Variants in STK39 observed in about 807,000 individuals in gnomAD.
The protein encoded by STK39 is STE20/SPS1-related proline-alanine-rich protein kinase.
STK39 carries 20 observed loss-of-function variants against 77.8 expected under a neutral mutation model. The observed-to-expected ratio is 0.26, with a 90% CI of 0.18 to 0.37. The LOEUF (loss-of-function observed/expected upper bound fraction) is 0.37. Ranked by LOEUF, STK39 falls within the 10% of genes least tolerant of loss-of-function variation. STK39 has a pLI of 1.00. For synonymous variants in STK39, 246 were observed against 234.1 expected, an observed-to-expected ratio of 1.05 and a Z score of -0.47; for missense variants, 479 against 656.5, an observed-to-expected ratio of 0.73 and a Z score of 2.95.
At chr2:168,018,524 GA>G (rs1218697669) in intron 14 of STK39, among the ~76,000 whole-genome samples, 1 of 89,992 alleles carries the variant, frequency 1.1e-5, no homozygotes, top group African/African-American at 6.5e-5. Flanking sequence ...AGAAAGAAAA[GA>G]AAGAAAAGAA....
chr2:168,152,493 G>A (rs766456523), intron 5 of STK39, among the ~76,000 whole-genome samples: 4 of 152,310 alleles, frequency 2.6e-5, no homozygotes, highest in East Asian at 1.9e-4. Flanking sequence ...GAGCCCCGGC[G>A]CTCCTCAACC....
rs766988582 is a variant in STK39 at position 168,018,538 on chromosome 2, A to AAAGAAAGAAAG, written c.1377-1444_1377-1443insCTTTCTTTCTT. Among the ~76,000 whole-genome samples, 60 of 85,456 alleles carry AAAGAAAGAAAG rather than the reference A, an allele frequency of 7.0e-4. 1 individual carries two copies. Among genetic ancestry groups the AAAGAAAGAAAG allele is most frequent in the African/African-American group, 9.6e-4 (17 of 17,740 alleles). The allele number at this position is 85,456 out of a possible 152,430, so 56.1% of individuals were successfully genotyped here. ...AAGAAAGAAAAGAAAGAAAAGAAAG[A>AAAGAAAGAAAG]AAAGAAAGAAAGAAAGAAAGAAAGA... is the stretch of plus-strand genomic sequence containing the variant. On this transcript the variant is annotated intron_variant, in intron 14 of 17. Transcript: ENST00000355999.
At chr2:168,241,079 G>A (rs1044411815) in intron 1 of STK39, among the ~76,000 whole-genome samples, 2 of 150,316 alleles carry the variant, frequency 1.3e-5, no homozygotes, top group African/African-American at 5.0e-5. Context: ...GCAGTGAAAG[G>A]AAGAAACGAG....
intron 17 of STK39, among the ~76,000 whole-genome samples, chr2:167,956,696 A>ACACACACACACC (rs776309488): frequency 4.1e-5 from 2 of 48,992 alleles, no homozygotes; most frequent in Non-Finnish European, 8.9e-5. Flanking sequence ...ACACACACAC[A>ACACACACACACC]CTCTCTCTCT....
chr2:167,968,674 G>C (rs1483909990), intron 16 of STK39, among the ~76,000 whole-genome samples: 1 of 152,170 alleles, frequency 6.6e-6, no homozygotes, highest in East Asian at 1.9e-4. Context: ...TTTATCCAAA[G>C]AGACACCCTG....
chr2:168,243,345 T>A (rs1450570407), intron 1 of STK39, among the ~76,000 whole-genome samples: 1 of 152,132 alleles, frequency 6.6e-6, no homozygotes, highest in Non-Finnish European at 1.5e-5. Context: ...TGGACCTGAG[T>A]AAAACGCACC....
intron 14 of STK39, among the ~76,000 whole-genome samples, chr2:168,063,230 TAAG>T (rs1685707596): frequency 6.6e-6 from 1 of 152,042 alleles, no homozygotes; most frequent in Non-Finnish European, 1.5e-5. Flanking sequence ...AAAAAAAATC[TAAG>T]AAGGAAAAGG....
At position 168,063,943 on chromosome 2, in the gene STK39, G is replaced by C. The variant is rs185610982; in HGVS notation, c.1306-373C>G. On this transcript the variant is annotated intron_variant, in intron 13 of 17. Coordinates refer to ENST00000355999, the MANE Select transcript of STK39 (RefSeq NM_013233.3). The stretch of plus-strand genomic sequence containing the variant: ...GGCACCTTAAACCCTGCAATGCAGA[G>C]GAAGGCGGGGCCCAGAAGATTCAGC... Among the ~76,000 whole-genome samples, 675 of 152,314 alleles carry C rather than the reference G, an allele frequency of 4.4e-3. 6 individuals carry two copies. Among genetic ancestry groups the C allele is most frequent in the Non-Finnish European group, 3.5e-3 (238 of 68,020 alleles).
At chr2:168,221,981 C>A (rs1690183592) in intron 1 of STK39, among the ~76,000 whole-genome samples, 1 of 152,192 alleles carries the variant, frequency 6.6e-6, no homozygotes, top group Non-Finnish European at 1.5e-5. Flanking sequence ...TCCACTTTCT[C>A]TAACATGGAA....
chr2:168,176,135 TAAAG>T (rs1688951047), intron 2 of STK39, among the ~76,000 whole-genome samples: 1 of 152,190 alleles, frequency 6.6e-6, no homozygotes, highest in Non-Finnish European at 1.5e-5. Context: ...GTTGATGCGA[TAAAG>T]AAAACACACA....
intron 10 of STK39, among the ~76,000 whole-genome samples, chr2:168,083,856 A>C (rs1222579823): frequency 6.6e-6 from 1 of 152,096 alleles, no homozygotes; most frequent in Admixed American, 6.5e-5. Context: ...TGGCCAAGTG[A>C]GGACTTGGGT....
chr2:168,114,038 A>T lies in STK39; in HGVS notation c.1089+15503T>A, dbSNP rs189905554. ...CTCAATAGGCTAACTTTCTAATTTCAACTTAAAAATTCATCAGTAAATTAA... is the reference window on the plus strand; with the variant it reads ...CTCAATAGGCTAACTTTCTAATTTCTACTTAAAAATTCATCAGTAAATTAA... On this transcript the variant is annotated intron_variant, in intron 10 of 17. Transcript: ENST00000355999. 2.6e-5 allele frequency among the ~76,000 whole-genome samples: 4 copies of T among 152,360 alleles called. No homozygotes were observed. In the East Asian group the frequency reaches 7.7e-4, roughly 29 times the overall value.
At chr2:168,184,813 G>A (rs943957033) in intron 1 of STK39, among the ~76,000 whole-genome samples, 1 of 152,178 alleles carries the variant, frequency 6.6e-6, no homozygotes, top group African/African-American at 2.4e-5. Context: ...CCAAGCTTTA[G>A]TATGACATGT....
chr2:168,180,610 C>T (rs1029679802), intron 2 of STK39, among the ~76,000 whole-genome samples: 1 of 152,038 alleles, frequency 6.6e-6, no homozygotes, highest in African/African-American at 2.4e-5. Context: ...CCCAACTCTC[C>T]CCACAGTTTA....
chr2:168,040,821 T>C (rs1281713332), intron 14 of STK39, among the ~76,000 whole-genome samples: 1 of 152,230 alleles, frequency 6.6e-6, no homozygotes, highest in Non-Finnish European at 1.5e-5. Flanking sequence ...TCTCCAAAGC[T>C]AAGGGTTCTT....
At chr2:167,981,197 TGGA>T (rs1252363083) in intron 16 of STK39, among the ~76,000 whole-genome samples, 1 of 152,240 alleles carries the variant, frequency 6.6e-6, no homozygotes, top group Non-Finnish European at 1.5e-5. Context: ...ACGTAAGGTA[TGGA>T]GTATGCACCA....
chr2:168,032,120 T>C (rs1684845493), intron 14 of STK39, among the ~76,000 whole-genome samples: 1 of 152,230 alleles, frequency 6.6e-6, no homozygotes, highest in Admixed American at 6.5e-5. Flanking sequence ...TGAAATATAG[T>C]CTTCAATGGT....
chr2:168,161,966 TTAAGA>T, intron 4 of STK39, 124 bp from the exon 5 acceptor site: 1 of 639,344 alleles, frequency 1.6e-6, no homozygotes, highest in Non-Finnish European at 2.5e-6. Flanking sequence ...TTCATAAATA[TTAAGA>T]TAATAGCACA....
chr2:167,964,518 C>A, intron 17 of STK39, 144 bp downstream of exon 17: 1 of 733,762 alleles, frequency 1.4e-6, no homozygotes, highest in South Asian at 1.7e-5. Flanking sequence ...GCTGCAGAGT[C>A]AAATGCTTCC....
Sources: gnomAD v4.1 joint callset for allele counts (sites outside exome capture counted in the v4.1 genomes callset) on GRCh38, gnomAD v4.1.1 for gene constraint, MANE v1.5 for transcripts, NCBI Gene and HGNC (gene_info 2026-07-23, HGNC 2026-07-21) for gene names.